XYLT1: variants seen among roughly 807,000 people sequenced by gnomAD.
The protein encoded by XYLT1 is beta-D-xylosyltransferase 1.
In XYLT1, 36 loss-of-function variants were observed where a neutral mutation model predicts 91.3. That is an observed-to-expected ratio of 0.39 (90% CI 0.30 to 0.52). The LOEUF (loss-of-function observed/expected upper bound fraction) is 0.52, where lower values mean the gene tolerates loss of function less well. XYLT1 is among the 20% of genes least tolerant of loss of function. The pLI is 0.68. For synonymous variants in XYLT1, 588 were observed against 532.0 expected, an observed-to-expected ratio of 1.11 and a Z score of -1.45; for missense variants, 1,242 against 1,284.5, an observed-to-expected ratio of 0.97 and a Z score of 0.51.
intron 9 of XYLT1, among the ~76,000 whole-genome samples, chr16:17,132,141 A>G (rs2030506007): frequency 6.6e-6 from 1 of 152,184 alleles, no homozygotes. Context: ...ATGGAACGAC[A>G]TTTGCCTTCC....
At chr16:17,292,081 TACACACACAC>T (rs10568382) in intron 2 of XYLT1, among the ~76,000 whole-genome samples, 1 of 148,984 alleles carries the variant, frequency 6.7e-6, no homozygotes, top group Non-Finnish European at 1.5e-5. Flanking sequence ...CACTAAACCA[TACACACACAC>T]ACACACACAC....
Position 17,141,299 on chromosome 16 carries a change from G to T in XYLT1, c.1441C>A (p.Arg481=). The change falls in exon 7 of 12, where the codon CGG becomes AGG. Residue 481 remains arginine (R), a synonymous_variant. Coordinates refer to ENST00000261381, the MANE Select transcript of XYLT1 (RefSeq NM_022166.4). ...CDAHMWRLGD[R]RIPEGIAVDG... ...ACGGCAATGCCCTCTGGGATCCGCC[G>T]ATCTCCCAGGCGCCACATGTGAGCG... The T allele has an allele frequency of 1.2e-6, 2 of 1,614,130 alleles. No individual in the cohort carries two copies. Among genetic ancestry groups the T allele is most frequent in the Non-Finnish European group, 1.7e-6 (2 of 1,180,024 alleles).
intron 1 of XYLT1, among the ~76,000 whole-genome samples, chr16:17,359,917 C>A (rs941438781): frequency 1.3e-5 from 2 of 152,164 alleles, no homozygotes; most frequent in Admixed American, 1.3e-4. Flanking sequence ...TGTGTTGGGG[C>A]AGGACCCATT....
intron 4 of XYLT1, 64 bp from the exon 5 acceptor site, chr16:17,198,478 C>T (rs2032475260): frequency 6.7e-7 from 1 of 1,503,284 alleles, no homozygotes; most frequent in Admixed American, 2.0e-5. Context: ...GCATGCCCCT[C>T]ACCCCTGTCC....
rs776059524 is a variant in XYLT1 at position 17,134,456 on chromosome 16, T to C, written c.2027+17A>G. The C allele has an allele frequency of 1.9e-6, 3 of 1,613,058 alleles. No homozygotes were observed. The African/African-American group carries it at 4.0e-5, about 22-fold the overall frequency. Reference sequence around the variant, plus strand: ...CTGCTTCTCAGCTCTCCTCTCTGCATCCCATATAGGGCTCACCGGCAGCTG... The same window carrying C: ...CTGCTTCTCAGCTCTCCTCTCTGCACCCCATATAGGGCTCACCGGCAGCTG... On this transcript the variant is annotated intron_variant, in intron 9 of 11. Transcript: ENST00000261381.
chr16:17,349,676 T>C (rs143737847), intron 2 of XYLT1, among the ~76,000 whole-genome samples: 1 of 150,672 alleles, frequency 6.6e-6, no homozygotes, highest in Non-Finnish European at 1.5e-5. Context: ...GGGATGACAG[T>C]AATACTTCCC....
rs2030860541 is a variant in XYLT1, at chr16:17,138,650, G to T, written c.1588-119C>A. On this transcript the variant is annotated intron_variant, in intron 7 of 11. Coordinates refer to ENST00000261381, the MANE Select transcript of XYLT1 (RefSeq NM_022166.4). ...GTAAGAACTGGTTGTTTAAAAGAAT[G>T]TGGCATCTCATCAGAAGCTGGGCGG... The T allele has an allele frequency of 4.0e-6, 5 of 1,236,194 alleles. No homozygotes were observed. The South Asian group carries it at 6.0e-5, about 15-fold the overall frequency. The allele number at this position is 1,236,194 out of a possible 1,614,324, so 76.6% of individuals were successfully genotyped here.
intron 2 of XYLT1, among the ~76,000 whole-genome samples, chr16:17,283,789 A>G (rs2034093403): frequency 6.6e-6 from 1 of 152,166 alleles, no homozygotes; most frequent in South Asian, 2.1e-4. Flanking sequence ...CAGCCCCATC[A>G]CTATTATCAC....
rs182901309 is a variant in XYLT1 at position 17,103,170 on chromosome 16, G to A, written c.*5525C>T. 1.4e-4 allele frequency: 22 copies of A among 152,746 alleles called. No individual in the cohort carries two copies. The highest frequency in any genetic ancestry group is 3.4e-3 in the Middle Eastern group (1 of 294). The allele number at this position is 152,746 out of a possible 1,614,324, so 9.5% of individuals were successfully genotyped here. On this transcript the variant is annotated 3_prime_UTR_variant, in exon 12 of 12. Transcript: ENST00000261381. Reference sequence around the variant, plus strand: ...CTATCACTTTCCAGGCAGGAAGGACGAAGAGATAAATGGAGAACGTCTCCT... The same window carrying A: ...CTATCACTTTCCAGGCAGGAAGGACAAAGAGATAAATGGAGAACGTCTCCT...
intron 1 of XYLT1, among the ~76,000 whole-genome samples, chr16:17,398,715 G>C (rs1382149933): frequency 1.3e-5 from 2 of 151,594 alleles, no homozygotes; most frequent in African/African-American, 4.9e-5. Context: ...TGGTCTGCTG[G>C]GAATCTTGAA....
At position 17,446,836 on chromosome 16, in the gene XYLT1, G is replaced by A. The variant is rs1057085988; in HGVS notation, c.363+23598C>T. Among the ~76,000 whole-genome samples, 6 of 152,084 alleles carry A rather than the reference G, an allele frequency of 3.9e-5. No homozygotes were observed. The East Asian group carries it at 9.7e-4, about 24-fold the overall frequency. On this transcript the variant is annotated intron_variant, in intron 1 of 11. Transcript: ENST00000261381. ...AACCCAACCAGAGCTGAGGCCACCC[G>A]CTGCTCCCTTCTCAGGGCCCAGGGT...
At chr16:17,170,994 G>A (rs1309513307) in intron 5 of XYLT1, among the ~76,000 whole-genome samples, 1 of 152,110 alleles carries the variant, frequency 6.6e-6, no homozygotes, top group African/African-American at 2.4e-5. Flanking sequence ...ACCTTATAGA[G>A]TTGAAGATGT....
chr16:17,419,975 A>G (rs548760121), intron 1 of XYLT1, among the ~76,000 whole-genome samples: 23 of 152,292 alleles, frequency 1.5e-4, no homozygotes, highest in Admixed American at 3.3e-4. Flanking sequence ...TCCAAAATCT[A>G]TTGGAAGGAG....
At chr16:17,383,539 C>G (rs530441442) in intron 1 of XYLT1, among the ~76,000 whole-genome samples, 1 of 151,966 alleles carries the variant, frequency 6.6e-6, no homozygotes, top group African/African-American at 2.4e-5. Flanking sequence ...ACGGTCCTGG[C>G]TCGGCAACTG....
At chr16:17,362,358 T>C (rs1352599710) in intron 1 of XYLT1, among the ~76,000 whole-genome samples, 1 of 152,162 alleles carries the variant, frequency 6.6e-6, no homozygotes, top group East Asian at 1.9e-4. Flanking sequence ...AGGAACCATG[T>C]AAAGTTAGCT....
chr16:17,252,700 A>G (rs923044009), intron 3 of XYLT1, among the ~76,000 whole-genome samples: 3 of 152,108 alleles, frequency 2.0e-5, no homozygotes, highest in Non-Finnish European at 2.9e-5. Flanking sequence ...TGGACTCGAC[A>G]TTTTCCCTGA....
chr16:17,264,295 G>T (rs966806058), intron 2 of XYLT1, among the ~76,000 whole-genome samples: 2 of 152,118 alleles, frequency 1.3e-5, no homozygotes, highest in Non-Finnish European at 2.9e-5. Flanking sequence ...GACTATTTTC[G>T]ATAGCTGATA....
At position 17,259,119 on chromosome 16, in the gene XYLT1, C is replaced by T; in HGVS notation, c.782G>A (p.Gly261Asp). The change falls in exon 3 of 12, where the codon GGC (glycine) becomes GAC (aspartate). Residue 261 changes from glycine (G) to aspartate (D), a missense_variant. Gly to Asp is a moderately conservative substitution (Grantham distance 94, BLOSUM62 -1). Around this residue, in one of 3 missense-constraint regions of XYLT1, gnomAD observed 437 missense variants for 411.5 expected, o/e 1.06. Coordinates refer to ENST00000261381, the MANE Select transcript of XYLT1 (RefSeq NM_022166.4). ...YDQPPKCDISGKEAISALSRA... is the reference protein window; with the variant it reads ...YDQPPKCDISDKEAISALSRA... ...GGACAGGGCAGAGATGGCCTCCTTG[C>T]CTGAGATGTCACACTTAGGGGGCTG... The T allele has an allele frequency of 1.9e-6, 3 of 1,577,056 alleles. No homozygotes were observed. The highest frequency in any genetic ancestry group is 2.6e-6 in the Non-Finnish European group (3 of 1,162,180).
chr16:17,368,696 C>T (rs1031666887), intron 1 of XYLT1, among the ~76,000 whole-genome samples: 1 of 151,696 alleles, frequency 6.6e-6, no homozygotes, highest in Non-Finnish European at 1.5e-5. Flanking sequence ...GCAATCCTTC[C>T]ACCTCACCCT....
Sources: allele counts gnomAD v4.1 joint callset (sites outside exome capture counted in the v4.1 genomes callset), GRCh38; gene constraint gnomAD v4.1.1; regional missense constraint gnomAD v4.1.1; transcripts MANE v1.5; gene names NCBI Gene and HGNC (gene_info 2026-07-23, HGNC 2026-07-21).